Variants in ZEB1 observed in about 807,000 individuals in gnomAD.
ZEB1 encodes zinc finger E-box binding homeobox 1.
ZEB1 carries 21 observed loss-of-function variants against 84.9 expected under a neutral mutation model. The ratio of observed to expected loss-of-function variants is 0.25; its 90% CI spans 0.18 to 0.36. The LOEUF (loss-of-function observed/expected upper bound fraction) is 0.36, where lower values mean the gene tolerates loss of function less well. Ranked by LOEUF, ZEB1 falls within the 10% of genes least tolerant of loss-of-function variation. The probability of loss-of-function intolerance (pLI) is 1.00; values close to 1 mark genes in which losing one functional copy is unlikely to be tolerated. For missense variants in ZEB1, 1,104 were observed against 1,330.2 expected (o/e 0.83, Z 2.65); for synonymous variants, 420 against 471.1 (o/e 0.89, Z 1.41).
chr10:31,418,176 TGC>T lies in ZEB1; in HGVS notation c.59-42860_59-42859del, dbSNP rs2055538571. Among the ~76,000 whole-genome samples the T allele has an allele frequency of 2.6e-5, 4 of 151,716 alleles. No homozygotes were observed. In the South Asian group the frequency reaches 8.3e-4, roughly 32 times the overall value. ...TATCCAGCATGCACTCCCTAAAGAG[TGC>T]CACCCTAAACCTTCCCATGTAGGAA... On this transcript the variant is annotated intron_variant, in intron 1 of 8. Transcript: ENST00000424869.
intron 2 of ZEB1, among the ~76,000 whole-genome samples, chr10:31,474,378 GC>G (rs2063752272): frequency 6.6e-6 from 1 of 151,716 alleles, no homozygotes; most frequent in Non-Finnish European, 1.5e-5. Context: ...AAAACAAACA[GC>G]CCCATCAAAA....
chr10:31,461,262 A>G, intron 2 of ZEB1, 25 bp downstream of exon 2: 1 of 1,585,670 alleles, frequency 6.3e-7, no homozygotes, highest in South Asian at 1.1e-5. Flanking sequence ...TTTTTGTAAT[A>G]TTGTATTCTC....
chr10:31,447,578 C>T (rs1457252407), intron 1 of ZEB1, among the ~76,000 whole-genome samples: 2 of 134,906 alleles, frequency 1.5e-5, no homozygotes, highest in Non-Finnish European at 3.1e-5. Flanking sequence ...ATGTTTAGTG[C>T]TTCCTTCAGG....
At chr10:31,408,685 T>A (rs2053620065) in intron 1 of ZEB1, among the ~76,000 whole-genome samples, 1 of 144,858 alleles carries the variant, frequency 6.9e-6, no homozygotes, top group African/African-American at 2.7e-5. Context: ...GAAAACTGGC[T>A]AGCCATATGT....
chr10:31,385,355 G>C (rs2048432630), intron 1 of ZEB1, among the ~76,000 whole-genome samples: 1 of 152,032 alleles, frequency 6.6e-6, no homozygotes, highest in East Asian at 1.9e-4. Flanking sequence ...CAGATTTTGG[G>C]GTCAAATGAA....
At chr10:31,412,858 C>T (rs2054553959) in intron 1 of ZEB1, among the ~76,000 whole-genome samples, 1 of 152,042 alleles carries the variant, frequency 6.6e-6, no homozygotes, top group Admixed American at 6.6e-5. Flanking sequence ...ATTCATCCAG[C>T]GAAGGTGGTA....
chr10:31,519,036 C>T (rs1405874701), intron 6 of ZEB1, among the ~76,000 whole-genome samples: 1 of 152,030 alleles, frequency 6.6e-6, no homozygotes, highest in Non-Finnish European at 1.5e-5. Flanking sequence ...TATTTTGATA[C>T]TAAGTAGACA....
At chr10:31,408,525 T>C (rs1486435828) in intron 1 of ZEB1, among the ~76,000 whole-genome samples, 1 of 149,446 alleles carries the variant, frequency 6.7e-6, no homozygotes, top group African/African-American at 2.5e-5. Context: ...CAAAACAGCA[T>C]GGTACTGGTA....
chr10:31,433,566 A>G (rs1444812311), intron 1 of ZEB1, among the ~76,000 whole-genome samples: 1 of 152,248 alleles, frequency 6.6e-6, no homozygotes, highest in Non-Finnish European at 1.5e-5. Flanking sequence ...TAGCAACTTA[A>G]TTCCAGGAGT....
At chr10:31,422,372 C>G (rs768191579) in intron 1 of ZEB1, among the ~76,000 whole-genome samples, 1 of 152,082 alleles carries the variant, frequency 6.6e-6, no homozygotes, top group African/African-American at 2.4e-5. Flanking sequence ...GTTCAGGAAT[C>G]TTCATATTGT....
chr10:31,420,618 A>G (rs191380247), intron 1 of ZEB1, among the ~76,000 whole-genome samples: 2 of 152,256 alleles, frequency 1.3e-5, no homozygotes, highest in African/African-American at 2.4e-5. Flanking sequence ...CTGTTTGGGT[A>G]CCTTAATTAC....
At chr10:31,501,243 G>A (rs2139209480) in intron 3 of ZEB1, among the ~76,000 whole-genome samples, 1 of 152,344 alleles carries the variant, frequency 6.6e-6, no homozygotes, top group African/African-American at 2.4e-5. Context: ...GCAGTTGCCA[G>A]CATGGAGTAG....
intron 1 of ZEB1, among the ~76,000 whole-genome samples, chr10:31,371,558 T>A (rs1355984277): frequency 6.6e-6 from 1 of 152,210 alleles, no homozygotes; most frequent in Non-Finnish European, 1.5e-5. Context: ...CAGTCCCACA[T>A]GTGATAAATC....
intron 3 of ZEB1, among the ~76,000 whole-genome samples, chr10:31,499,222 T>A (rs1190415854): frequency 1.3e-5 from 2 of 152,208 alleles, no homozygotes; most frequent in African/African-American, 4.8e-5. Flanking sequence ...CAATAGTTAT[T>A]TATCAAAGGA....
chr10:31,404,604 T>C (rs1180135717), intron 1 of ZEB1, among the ~76,000 whole-genome samples: 1 of 152,152 alleles, frequency 6.6e-6, no homozygotes, highest in African/African-American at 2.4e-5. Context: ...CATCTTTGTA[T>C]GCATTTTATA....
intron 2 of ZEB1, among the ~76,000 whole-genome samples, chr10:31,466,741 G>A (rs2062477277): frequency 6.6e-6 from 1 of 151,960 alleles, no homozygotes; most frequent in South Asian, 2.1e-4. Flanking sequence ...TTAGAAGAAG[G>A]AATGAAATAA....
intron 1 of ZEB1, among the ~76,000 whole-genome samples, chr10:31,393,760 C>G (rs960289422): frequency 1.3e-5 from 2 of 152,078 alleles, no homozygotes; most frequent in Non-Finnish European, 1.5e-5. Flanking sequence ...ATTTAAGAAC[C>G]ATTAAAAGTG....
intron 1 of ZEB1, among the ~76,000 whole-genome samples, chr10:31,459,448 C>T (rs1462917290): frequency 6.6e-6 from 1 of 151,866 alleles, no homozygotes; most frequent in South Asian, 2.1e-4. Flanking sequence ...ATAAAATTTG[C>T]CATTATTTTT....
intron 1 of ZEB1, among the ~76,000 whole-genome samples, chr10:31,403,265 A>C (rs980808296): frequency 1.2e-4 from 18 of 152,106 alleles, no homozygotes; most frequent in Non-Finnish European, 2.4e-4. Context: ...TTTGTAAAGA[A>C]CTGAGTATAC....
Sources: allele counts gnomAD v4.1 joint callset (sites outside exome capture counted in the v4.1 genomes callset), GRCh38; gene constraint gnomAD v4.1.1; transcripts MANE v1.5; gene names NCBI Gene and HGNC (gene_info 2026-07-23, HGNC 2026-07-21).